The following CCDC191 variants were observed in gnomAD, a reference collection of about 807,000 sequenced individuals.
CCDC191 encodes coiled-coil domain containing 191.
A neutral mutation model predicts 114.0 loss-of-function variants in CCDC191; 99 were observed. The observed-to-expected ratio is 0.87, with a 90% CI of 0.74 to 1.03. The LOEUF (loss-of-function observed/expected upper bound fraction) is 1.03, where lower values mean the gene tolerates loss of function less well. Ranked by LOEUF, CCDC191 falls within the 50% of genes least tolerant of loss-of-function variation. The pLI, the probability that CCDC191 is intolerant of heterozygous loss-of-function variation, is 0.00. For missense variants in CCDC191, 973 were observed against 1,087.0 expected, an observed-to-expected ratio of 0.90 and a Z score of 1.47; for synonymous variants, 351 against 376.0, an observed-to-expected ratio of 0.93 and a Z score of 0.77.
chr3:113,999,225 G>A (rs753988610), intron 13 of CCDC191, among the ~76,000 whole-genome samples: 51 of 152,126 alleles, frequency 3.4e-4, no homozygotes, highest in Non-Finnish European at 6.2e-4. Flanking sequence ...CTGTTCCCAT[G>A]ACTTTATGCT....
chr3:114,007,362 C>T (rs551651234), intron 9 of CCDC191, among the ~76,000 whole-genome samples: 1 of 152,058 alleles, frequency 6.6e-6, no homozygotes, highest in African/African-American at 2.4e-5. Flanking sequence ...ATATTTTTCA[C>T]GATTATAGAA....
At chr3:113,997,178 T>C (rs1025050615) in intron 13 of CCDC191, among the ~76,000 whole-genome samples, 1 of 152,124 alleles carries the variant, frequency 6.6e-6, no homozygotes, top group African/African-American at 2.4e-5. Context: ...AACAGATGAA[T>C]TGTGGGAGCC....
intron 16 of CCDC191, among the ~76,000 whole-genome samples, chr3:113,975,595 A>C (rs1941263895): frequency 6.6e-6 from 1 of 152,212 alleles, no homozygotes; most frequent in African/African-American, 2.4e-5. Flanking sequence ...TTAACATGTA[A>C]ACAGTAAATT....
chr3:113,967,738 TTCTA>T lies in CCDC191; in HGVS notation c.2607-2383_2607-2380del, dbSNP rs1405506205. 2.0e-5 allele frequency among the ~76,000 whole-genome samples: 3 copies of T among 152,326 alleles called. No individual in the cohort carries two copies. In the South Asian group the frequency reaches 6.2e-4, roughly 32 times the overall value. The stretch of plus-strand genomic sequence containing the variant: ...TCTATTGAACATTAGGCCTTATTGC[TTCTA>T]TCTAACTGTATATTGTACCCATTAA... On this transcript the variant is annotated intron_variant, in intron 16 of 16. Transcript: ENST00000295878.
chr3:114,000,521 T>C (rs901304216), intron 13 of CCDC191, among the ~76,000 whole-genome samples: 17 of 152,250 alleles, frequency 1.1e-4, no homozygotes, highest in African/African-American at 3.9e-4. Context: ...CTATATGTCC[T>C]ACTGGTTCTC....
intron 5 of CCDC191, 44 bp downstream of exon 5, chr3:114,036,564 G>C: frequency 7.1e-7 from 1 of 1,403,346 alleles, no homozygotes; most frequent in Non-Finnish European, 9.7e-7. Flanking sequence ...GTTACACAAA[G>C]ACTGCTTCCT....
chr3:113,966,371 GT>G (rs1940169741), intron 16 of CCDC191, among the ~76,000 whole-genome samples: 1 of 152,202 alleles, frequency 6.6e-6, no homozygotes, highest in Non-Finnish European at 1.5e-5. Flanking sequence ...GGGCATCAAG[GT>G]AAGCCAGGTA....
At chr3:114,043,465 G>C (rs1472978525) in intron 3 of CCDC191, among the ~76,000 whole-genome samples, 2 of 152,164 alleles carry the variant, frequency 1.3e-5, no homozygotes, top group Admixed American at 1.3e-4. Flanking sequence ...CAATACTACT[G>C]TCTAGTAGGT....
chr3:114,045,685 TTC>T (rs1406038893), intron 3 of CCDC191, among the ~76,000 whole-genome samples: 34 of 152,284 alleles, frequency 2.2e-4, no homozygotes, highest in South Asian at 1.2e-3. Context: ...TCCCGCCAGC[TTC>T]TCTCTGTGGG....
chr3:114,016,634 T>C (rs2076162562), intron 8 of CCDC191, among the ~76,000 whole-genome samples: 1 of 152,196 alleles, frequency 6.6e-6, no homozygotes, highest in Non-Finnish European at 1.5e-5. Flanking sequence ...CTGAAAATAA[T>C]TCACAGATAC....
rs1559934333 is a variant in CCDC191, at chr3:114,047,070, ATATTTT to A, written c.130-344_130-339del. 7.3e-6 allele frequency: 7 copies of A among 960,932 alleles called. No homozygotes were observed. In the African/African-American group the frequency reaches 1.2e-4, roughly 17 times the overall value. The allele number at this position is 960,932 out of a possible 1,614,324, so 59.5% of individuals were successfully genotyped here. A position where few individuals can be genotyped will look rare whatever the true frequency, so the allele number is the denominator to read the frequency against. On this transcript the variant is annotated intron_variant, in intron 2 of 16. Transcript: ENST00000295878. ...TATTTTACTTTAAATAAAAAATATT[ATATTTT>A]ATTAGTTTTCATGCCCTTAGGACTT...
intron 13 of CCDC191, among the ~76,000 whole-genome samples, chr3:113,981,854 C>A (rs1209428867): frequency 3.9e-5 from 6 of 152,130 alleles, no homozygotes; most frequent in Admixed American, 3.9e-4. Flanking sequence ...GCCATTAAAC[C>A]AAAACAAGCT....
chr3:114,019,694 G>A (rs1019358965), intron 7 of CCDC191, among the ~76,000 whole-genome samples: 2 of 152,012 alleles, frequency 1.3e-5, no homozygotes, highest in African/African-American at 2.4e-5. Context: ...AAGTAATTGC[G>A]GTTTTTGCCA....
intron 3 of CCDC191, among the ~76,000 whole-genome samples, chr3:114,044,078 T>C (rs1002997668): frequency 1.3e-5 from 2 of 152,078 alleles, no homozygotes; most frequent in Non-Finnish European, 2.9e-5. Flanking sequence ...GCTACAATAC[T>C]CTGGATTTCA....
chr3:114,036,911 T>C, intron 4 of CCDC191, 125 bp from the exon 5 acceptor site: 1 of 533,460 alleles, frequency 1.9e-6, no homozygotes, highest in Non-Finnish European at 3.0e-6. Flanking sequence ...CAATAAATAG[T>C]AACTGATAAT....
At chr3:113,990,082 G>A (rs746838135) in intron 13 of CCDC191, among the ~76,000 whole-genome samples, 12 of 152,094 alleles carry the variant, frequency 7.9e-5, no homozygotes, top group Non-Finnish European at 1.5e-4. Flanking sequence ...AAGGAAGGAG[G>A]AGGACAGAAA....
intron 3 of CCDC191, among the ~76,000 whole-genome samples, chr3:114,045,397 A>T (rs2076615801): frequency 1.3e-5 from 2 of 151,924 alleles, no homozygotes; most frequent in Admixed American, 6.6e-5. Context: ...ATTGAGATGG[A>T]GTCTCGCTCT....
intron 16 of CCDC191, among the ~76,000 whole-genome samples, chr3:113,972,816 CTTTA>C (rs993649485): frequency 1.3e-5 from 2 of 152,048 alleles, no homozygotes; most frequent in Non-Finnish European, 2.9e-5. Flanking sequence ...AATGACCTTT[CTTTA>C]TTTCTCTTTA....
At position 114,035,033 on chromosome 3, in the gene CCDC191, C is replaced by T. The variant is rs1369705633; in HGVS notation, c.710G>A (p.Arg237Lys). ...AQCLVQEEKK[R>K]KALEAKKEEE... ...CTCTTTCTTGGCCTCCAGAGCCTTC[C>T]TTTTCTTCTCTTCTTGCACCAGACA... Residue 237 changes from arginine (R) to lysine (K), a missense_variant, in exon 6 of 17, where the codon AGG (arginine) becomes AAG (lysine). Transcript: ENST00000295878. The T allele has an allele frequency of 6.2e-7, 1 of 1,613,964 alleles. No homozygotes were observed. Among genetic ancestry groups the T allele is most frequent in the Non-Finnish European group, 8.5e-7 (1 of 1,180,004 alleles).
Sources: allele counts gnomAD v4.1 joint callset (sites outside exome capture counted in the v4.1 genomes callset), GRCh38; gene constraint gnomAD v4.1.1; transcripts MANE v1.5; gene names NCBI Gene and HGNC (gene_info 2026-07-23, HGNC 2026-07-21).